Variants in PIK3CD observed in about 807,000 individuals in gnomAD.
PIK3CD encodes the protein phosphatidylinositol 4,5-bisphosphate 3-kinase catalytic subunit delta isoform.
A neutral mutation model predicts 122.9 loss-of-function variants in PIK3CD; 20 were observed. The observed-to-expected ratio is 0.16, with a 90% CI of 0.11 to 0.24. The LOEUF (loss-of-function observed/expected upper bound fraction) is 0.24. Among genes scored for constraint, PIK3CD ranks in the 10% least tolerant of loss-of-function variants. PIK3CD has a pLI of 1.00. For synonymous variants in PIK3CD, 596 were observed against 593.4 expected, an observed-to-expected ratio of 1.00 and a Z score of -0.06; for missense variants, 787 against 1,406.3, an observed-to-expected ratio of 0.56 and a Z score of 7.04.
chr1:9,659,384 T>C (rs1644948395), intron 1 of PIK3CD, among the ~76,000 whole-genome samples: 1 of 152,246 alleles, frequency 6.6e-6, no homozygotes, highest in African/African-American at 2.4e-5. Flanking sequence ...ATGTTTTAAT[T>C]GTAAAATATA....
chr1:9,667,913 T>TG (rs1182812051), intron 1 of PIK3CD, among the ~76,000 whole-genome samples: 13 of 144,930 alleles, frequency 9.0e-5, no homozygotes, highest in Non-Finnish European at 1.7e-4. Flanking sequence ...TTTTTGTTTT[T>TG]TTTTTTTTTT....
the PIK3CD span, among the ~76,000 whole-genome samples, chr1:9,638,504 G>A: frequency 4.6e-5 from 7 of 151,978 alleles, no homozygotes; most frequent in East Asian, 2.0e-4. Flanking sequence ...AGGCCGAGGC[G>A]GGCGGATCAC....
intron 2 of PIK3CD, among the ~76,000 whole-genome samples, chr1:9,701,499 C>G (rs1646628048): frequency 6.6e-6 from 1 of 152,072 alleles, no homozygotes; most frequent in African/African-American, 2.4e-5. Flanking sequence ...TGGCAAAACC[C>G]TGTCTCTACT....
chr1:9,721,917 C>A, intron 16 of PIK3CD, 57 bp downstream of exon 16: 1 of 1,612,514 alleles, frequency 6.2e-7, no homozygotes, highest in African/African-American at 1.3e-5. Context: ...TCTGGGAATC[C>A]CCAGGGCTGG....
chr1:9,658,964 C>T (rs1644936488), intron 1 of PIK3CD, among the ~76,000 whole-genome samples: 1 of 152,216 alleles, frequency 6.6e-6, no homozygotes, highest in Admixed American at 6.5e-5. Flanking sequence ...CATAGCAATC[C>T]ATGCAGTGTC....
intron 1 of PIK3CD, among the ~76,000 whole-genome samples, chr1:9,681,483 C>T (rs1356529225): frequency 1.3e-5 from 2 of 152,180 alleles, no homozygotes; most frequent in Non-Finnish European, 2.9e-5. Context: ...GGCGCAATCT[C>T]GGCTCACTGC....
chr1:9,683,471 CA>C (rs377322907), intron 1 of PIK3CD, among the ~76,000 whole-genome samples: 1,377 of 40,198 alleles, frequency 0.034, 19 homozygotes, highest in African/African-American at 0.11. Context: ...ACAACAACAA[CA>C]AAAAAAACGA....
chr1:9,633,125 T>C, the PIK3CD span, among the ~76,000 whole-genome samples: 1 of 152,046 alleles, frequency 6.6e-6, no homozygotes, highest in African/African-American at 2.4e-5. Flanking sequence ...CCTCCCATAG[T>C]GCTGGGATTA....
Position 9,692,713 on chromosome 1 carries a change from G to A in PIK3CD, c.-33+1142G>A, listed in dbSNP as rs567036636. ...CCACTGCACTCCAGCCTGGGTGACA[G>A]AGTGAGACTCCGTCTCAAAAAAATA... On this transcript the variant is annotated intron_variant, in intron 2 of 23. Transcript: ENST00000377346. 2.6e-5 allele frequency among the ~76,000 whole-genome samples: 4 copies of A among 152,200 alleles called. No homozygotes were observed. In the East Asian group the frequency reaches 7.7e-4, roughly 29 times the overall value.
chr1:9,654,362 T>C (rs1471858850), intron 1 of PIK3CD: 2 of 1,367,686 alleles, frequency 1.5e-6, no homozygotes, highest in Admixed American at 1.9e-5. Context: ...ATACCATGTT[T>C]AGCAAGTGTT....
chr1:9,720,326 T>C lies in PIK3CD; in HGVS notation c.1470+84T>C. Reference sequence around the variant, plus strand: ...GCTCCTGGAGCTCTTCAGAGGGTGCTCCCTGGCCACGTCGGGGCTGGGCTA... The same window carrying C: ...GCTCCTGGAGCTCTTCAGAGGGTGCCCCCTGGCCACGTCGGGGCTGGGCTA... On this transcript the variant is annotated intron_variant, in intron 11 of 23. Transcript: ENST00000377346. The surrounding 1 kb of genome is among the most constrained non-coding windows in gnomAD (Gnocchi z 9.0). 2 of 1,506,898 alleles carry C rather than the reference T, an allele frequency of 1.3e-6. No individual in the cohort carries two copies. Among genetic ancestry groups the C allele is most frequent in the Non-Finnish European group, 1.8e-6 (2 of 1,118,916 alleles). 93.3% of individuals were successfully genotyped at this position (1,506,898 alleles called of 1,614,324 possible). A position where few individuals can be genotyped will look rare whatever the true frequency, so the allele number is the denominator to read the frequency against.
Position 9,717,633 on chromosome 1 carries a change from C to T in PIK3CD, c.1020+7C>T. The stretch of plus-strand genomic sequence containing the variant: ...CGCCGACGAGCGGATGAAGGTGGGG[C>T]TCCTGGGATAGGTGGGAGAGACACT... On this transcript the variant is annotated splice_region_variant and intron_variant, in intron 8 of 23. Transcript: ENST00000377346. The surrounding 1 kb of genome is among the most constrained non-coding windows in gnomAD (Gnocchi z 5.4). 6.2e-7 allele frequency: 1 copy of T among 1,613,426 alleles called. No individual in the cohort carries two copies. Among genetic ancestry groups the T allele is most frequent in the Middle Eastern group, 1.7e-4 (1 of 6,060 alleles).
chr1:9,695,492 A>T (rs1336265271), intron 2 of PIK3CD, among the ~76,000 whole-genome samples: 1 of 152,208 alleles, frequency 6.6e-6, no homozygotes, highest in Non-Finnish European at 1.5e-5. Context: ...AGAGAAAAAA[A>T]GGCCACATAC....
chr1:9,723,442 T>G lies in PIK3CD; in HGVS notation c.2594+150T>G, dbSNP rs1029308966. The G allele has an allele frequency of 1.2e-5, 10 of 804,858 alleles. No homozygotes were observed. The highest frequency in any genetic ancestry group is 6.8e-5 in the African/African-American group (4 of 58,868). 49.9% of individuals were successfully genotyped at this position (804,858 alleles called of 1,614,324 possible). A position where few individuals can be genotyped will look rare whatever the true frequency, so the allele number is the denominator to read the frequency against. On this transcript the variant is annotated intron_variant, in intron 20 of 23. Transcript: ENST00000377346. The surrounding 1 kb of genome is among the most constrained non-coding windows in gnomAD (Gnocchi z 4.9). ...GTTGAGGACCAGCCTGTGTCTGGGT[T>G]GGGGTGAGGTAGGTCTCTCTTCCCC...
At chr1:9,667,622 C>T (rs1422617021) in intron 1 of PIK3CD, among the ~76,000 whole-genome samples, 5 of 152,216 alleles carry the variant, frequency 3.3e-5, no homozygotes, top group East Asian at 1.9e-4. Context: ...GTGATCTGCC[C>T]GCCTCGGCCT....
chr1:9,726,270 A>G (rs1255724151), intron 23 of PIK3CD, among the ~76,000 whole-genome samples: 8 of 152,156 alleles, frequency 5.3e-5, no homozygotes, highest in Non-Finnish European at 8.8e-5. Flanking sequence ...GCACTTTGGG[A>G]GGCCAAGGCG....
chr1:9,661,624 G>A (rs549934283), intron 1 of PIK3CD, among the ~76,000 whole-genome samples: 32 of 152,118 alleles, frequency 2.1e-4, no homozygotes, highest in African/African-American at 7.0e-4. Context: ...ACTTTTGGAG[G>A]CCAAGGCGGG....
At chr1:9,644,738 G>T in the PIK3CD span, among the ~76,000 whole-genome samples, 1 of 152,064 alleles carries the variant, frequency 6.6e-6, no homozygotes, top group Non-Finnish European at 1.5e-5. Context: ...TTGCAGTGGA[G>T]AATGGACAGC....
At chr1:9,642,911 C>G in the PIK3CD span, among the ~76,000 whole-genome samples, 70 of 150,084 alleles carry the variant, frequency 4.7e-4, no homozygotes, top group Middle Eastern at 3.5e-3. Flanking sequence ...GGCAACATAG[C>G]GAGACCTCGT....
Sources: allele counts gnomAD v4.1 joint callset (sites outside exome capture counted in the v4.1 genomes callset), GRCh38; gene constraint gnomAD v4.1.1; non-coding constraint Gnocchi (gnomAD v3.1); transcripts MANE v1.5; gene names NCBI Gene and HGNC (gene_info 2026-07-23, HGNC 2026-07-21).